Variants in APBB2 observed in about 807,000 individuals in gnomAD.
APBB2 encodes the protein Fe65-like 1.
APBB2 carries 38 observed loss-of-function variants against 82.5 expected under a neutral mutation model. The observed-to-expected ratio is 0.46, with a 90% confidence interval of 0.36 to 0.60. The LOEUF is 0.60. Ranked by LOEUF, APBB2 falls within the 20% of genes least tolerant of loss-of-function variation. The pLI, the probability that APBB2 is intolerant of heterozygous loss-of-function variation, is 0.00. For missense variants in APBB2, 772 were observed against 972.3 expected, an observed-to-expected ratio of 0.79 and a Z score of 2.74; for synonymous variants, 341 against 368.2, an observed-to-expected ratio of 0.93 and a Z score of 0.85.
chr4:41,063,950 A>ATTTTTT (rs11422110), intron 4 of APBB2, among the ~76,000 whole-genome samples: 12 of 91,788 alleles, frequency 1.3e-4, no homozygotes, highest in African/African-American at 2.7e-4. Context: ...AAATGCTGGG[A>ATTTTTT]TTTTTTTTTT....
chr4:41,195,585 G>A, intron 1 of APBB2, among the ~76,000 whole-genome samples: 11 of 152,130 alleles, frequency 7.2e-5, no homozygotes, highest in African/African-American at 2.7e-4. Flanking sequence ...AGCTGCCACA[G>A]GACCCTCATA....
chr4:40,926,121 C>G (rs1782554604), intron 10 of APBB2, among the ~76,000 whole-genome samples: 1 of 152,236 alleles, frequency 6.6e-6, no homozygotes, highest in Admixed American at 6.5e-5. Context: ...AAGACTATGT[C>G]TACTTCGCTG....
chr4:40,947,361 C>T (rs1252264862), intron 6 of APBB2, among the ~76,000 whole-genome samples: 1 of 152,194 alleles, frequency 6.6e-6, no homozygotes, highest in Non-Finnish European at 1.5e-5. Context: ...TGAATTTACA[C>T]ATTTAGCCTA....
At chr4:40,923,989 A>G (rs561985645) in intron 10 of APBB2, among the ~76,000 whole-genome samples, 1 of 152,352 alleles carries the variant, frequency 6.6e-6, no homozygotes, top group East Asian at 1.9e-4. Context: ...CAAAATGAGC[A>G]GCCAAGGCCA....
intron 12 of APBB2, among the ~76,000 whole-genome samples, chr4:40,876,109 G>T (rs569457515): frequency 6.6e-6 from 1 of 152,146 alleles, no homozygotes; most frequent in Non-Finnish European, 1.5e-5. Flanking sequence ...CCTTTCTTAG[G>T]TTCCTTTGAA....
At chr4:41,025,868 G>C (rs868342813) in intron 5 of APBB2, among the ~76,000 whole-genome samples, 2 of 150,726 alleles carry the variant, frequency 1.3e-5, no homozygotes, top group African/African-American at 4.9e-5. Context: ...GTAGGGGTTG[G>C]GGGGTGGAGG....
intron 1 of APBB2, among the ~76,000 whole-genome samples, chr4:41,172,862 C>T (rs1463703500): frequency 6.6e-6 from 1 of 152,150 alleles, no homozygotes; most frequent in African/African-American, 2.4e-5. Flanking sequence ...TACTTTTTGA[C>T]TGTCAAATCA....
At chr4:40,953,095 G>T (rs140713208) in intron 6 of APBB2, among the ~76,000 whole-genome samples, 1 of 152,002 alleles carries the variant, frequency 6.6e-6, no homozygotes, top group Non-Finnish European at 1.5e-5. Flanking sequence ...AGGAGTTCAA[G>T]ATCAGCCTGG....
rs528488736 is a variant in APBB2, at chr4:41,063,774, G to A, written c.-51+1802C>T. Among the ~76,000 whole-genome samples, 214 of 152,122 alleles carry A rather than the reference G, an allele frequency of 1.4e-3. 2 individuals carry two copies. The highest frequency in any genetic ancestry group is 5.0e-3 in the African/African-American group (207 of 41,528). On this transcript the variant is annotated intron_variant, in intron 4 of 17. Transcript: ENST00000508593. ...GCTCACTGCAACCTGTACCTCCTGGGCTCAAGCAATCCTCCCACCTCAGCC... is the reference window on the plus strand; with the variant it reads ...GCTCACTGCAACCTGTACCTCCTGGACTCAAGCAATCCTCCCACCTCAGCC...
At chr4:41,196,779 G>A in intron 1 of APBB2, among the ~76,000 whole-genome samples, 2 of 151,868 alleles carry the variant, frequency 1.3e-5, no homozygotes, top group Non-Finnish European at 2.9e-5. Flanking sequence ...ACCACAATTG[G>A]AAATAATCCT....
At chr4:40,865,753 A>G (rs1325372296) in intron 12 of APBB2, among the ~76,000 whole-genome samples, 1 of 152,236 alleles carries the variant, frequency 6.6e-6, no homozygotes. Flanking sequence ...CAAACAACAC[A>G]ATTTTTTAAA....
chr4:40,974,729 C>T (rs1296765075), intron 6 of APBB2, among the ~76,000 whole-genome samples: 2 of 152,182 alleles, frequency 1.3e-5, no homozygotes. Flanking sequence ...GAACGACTCA[C>T]TACTTTGGGC....
At chr4:41,170,681 C>A (rs1282457900) in intron 1 of APBB2, among the ~76,000 whole-genome samples, 1 of 151,994 alleles carries the variant, frequency 6.6e-6, no homozygotes, top group Non-Finnish European at 1.5e-5. Flanking sequence ...AGAAAAAGAA[C>A]TTTAATGGGA....
chr4:41,048,487 A>G (rs1579544191), intron 4 of APBB2, among the ~76,000 whole-genome samples: 1 of 152,160 alleles, frequency 6.6e-6, no homozygotes, highest in Non-Finnish European at 1.5e-5. Flanking sequence ...AGAGAAAACT[A>G]TTATTATCCT....
At chr4:40,963,151 T>C (rs1433409254) in intron 6 of APBB2, among the ~76,000 whole-genome samples, 1 of 152,242 alleles carries the variant, frequency 6.6e-6, no homozygotes, top group Non-Finnish European at 1.5e-5. Context: ...GTAGTTAGCG[T>C]CCATTTGTTA....
At chr4:41,178,003 T>C (rs1770285280) in intron 1 of APBB2, among the ~76,000 whole-genome samples, 1 of 152,180 alleles carries the variant, frequency 6.6e-6, no homozygotes, top group African/African-American at 2.4e-5. Flanking sequence ...AACCTGTATA[T>C]ATGAAGCACT....
intron 12 of APBB2, among the ~76,000 whole-genome samples, chr4:40,866,964 C>G (rs1468070201): frequency 6.6e-6 from 1 of 152,160 alleles, no homozygotes; most frequent in Non-Finnish European, 1.5e-5. Context: ...CTATGTTGGT[C>G]AGGCTGGTCT....
intron 10 of APBB2, among the ~76,000 whole-genome samples, chr4:40,924,219 G>C (rs1035978516): frequency 1.3e-5 from 2 of 152,184 alleles, no homozygotes; most frequent in African/African-American, 4.8e-5. Context: ...ATCTCATTCA[G>C]CCAGGACTTG....
intron 12 of APBB2, among the ~76,000 whole-genome samples, chr4:40,836,287 G>C (rs1243425990): frequency 6.6e-6 from 1 of 152,188 alleles, no homozygotes; most frequent in Non-Finnish European, 1.5e-5. Context: ...GACCAGCCTA[G>C]CCAACATGGC....
Sources: gnomAD v4.1 joint callset for allele counts (sites outside exome capture counted in the v4.1 genomes callset) on GRCh38, gnomAD v4.1.1 for gene constraint, MANE v1.5 for transcripts, NCBI Gene and HGNC (gene_info 2026-07-23, HGNC 2026-07-21) for gene names.